Variants in PKNOX2 observed in about 807,000 individuals in gnomAD.
PKNOX2 encodes homeobox protein PKNOX2.
PKNOX2 carries 14 observed loss-of-function variants against 53.1 expected under a neutral mutation model. The observed-to-expected ratio is 0.26, with a 90% CI of 0.17 to 0.41. The LOEUF (loss-of-function observed/expected upper bound fraction) is 0.41, where lower values mean the gene tolerates loss of function less well. PKNOX2 is among the 10% of genes least tolerant of loss of function. The probability of loss-of-function intolerance (pLI) is 1.00; values close to 1 mark genes in which losing one functional copy is unlikely to be tolerated. For synonymous variants in PKNOX2, 257 were observed against 242.8 expected, an observed-to-expected ratio of 1.06 and a Z score of -0.54; for missense variants, 496 against 602.8, an observed-to-expected ratio of 0.82 and a Z score of 1.85.
In PKNOX2 at chr11:125,351,656, C is replaced by T. The variant is rs999574283; in HGVS notation, c.87+264C>T. Among the ~76,000 whole-genome samples the T allele has an allele frequency of 2.6e-5, 4 of 152,272 alleles. No individual in the cohort carries two copies. The East Asian group carries it at 7.7e-4, about 29-fold the overall frequency. Reference sequence around the variant, plus strand: ...TAGTGGCCACAGTCCTGGCCTCCACCCCATCCATCAGACAGCAGACAAGCG... The same window carrying T: ...TAGTGGCCACAGTCCTGGCCTCCACTCCATCCATCAGACAGCAGACAAGCG... On this transcript the variant is annotated intron_variant, in intron 4 of 12. Coordinates refer to ENST00000298282, the MANE Select transcript of PKNOX2 (RefSeq NM_001382323.2).
At chr11:125,207,771 G>A (rs1939312058) in intron 1 of PKNOX2, among the ~76,000 whole-genome samples, 1 of 152,018 alleles carries the variant, frequency 6.6e-6, no homozygotes. Flanking sequence ...GAAGAGATGG[G>A]AATAAGCATG....
At chr11:125,363,332 G>A (rs927273687) in intron 4 of PKNOX2, among the ~76,000 whole-genome samples, 1 of 152,208 alleles carries the variant, frequency 6.6e-6, no homozygotes, top group East Asian at 1.9e-4. Flanking sequence ...TGGTTCTCTT[G>A]ATTAATCTGC....
At chr11:125,261,380 G>A (rs1435994462) in intron 2 of PKNOX2, among the ~76,000 whole-genome samples, 1 of 152,220 alleles carries the variant, frequency 6.6e-6, no homozygotes, top group African/African-American at 2.4e-5. Flanking sequence ...CCAAGCGAGT[G>A]CCTGCACTTT....
chr11:125,367,990 G>A lies in PKNOX2; in HGVS notation c.227+5G>A, dbSNP rs1432329447. The A allele has an allele frequency of 6.2e-7, 1 of 1,611,572 alleles. No homozygotes were observed. The highest frequency in any genetic ancestry group is 1.1e-5 in the South Asian group (1 of 90,650). On this transcript the variant is annotated splice_donor_5th_base_variant and intron_variant, in intron 5 of 12. Transcript: ENST00000298282. ...TGACAAGCGAGCTGTATACAGGTAG[G>A]AGACACTTCAGCTGTGTCTACAGCC...
At chr11:125,380,001 G>T (rs1953112825) in intron 5 of PKNOX2, among the ~76,000 whole-genome samples, 1 of 151,720 alleles carries the variant, frequency 6.6e-6, no homozygotes, top group Non-Finnish European at 1.5e-5. Context: ...ATGAGGGTAG[G>T]GGGTGGAGGG....
intron 2 of PKNOX2, among the ~76,000 whole-genome samples, chr11:125,236,485 A>T (rs1942709526): frequency 6.6e-6 from 1 of 152,162 alleles, no homozygotes; most frequent in African/African-American, 2.4e-5. Flanking sequence ...TAAGTCAAGT[A>T]TGAGGAGCAA....
intron 4 of PKNOX2, among the ~76,000 whole-genome samples, chr11:125,360,264 A>G (rs1951854230): frequency 6.6e-6 from 1 of 152,068 alleles, no homozygotes; most frequent in African/African-American, 2.4e-5. Context: ...TTTAATAGTC[A>G]TAACAAGCAA....
chr11:125,381,860 C>T (rs529760869), intron 5 of PKNOX2, among the ~76,000 whole-genome samples: 14 of 152,318 alleles, frequency 9.2e-5, no homozygotes, highest in African/African-American at 2.4e-4. Context: ...TAGCTCCTTG[C>T]GTGACTACGT....
At chr11:125,249,133 T>C (rs2135662983) in intron 2 of PKNOX2, among the ~76,000 whole-genome samples, 1 of 141,634 alleles carries the variant, frequency 7.1e-6, no homozygotes, top group East Asian at 2.1e-4. Flanking sequence ...TTTTTACTGG[T>C]AGAGTTTTGT....
chr11:125,421,833 C>T (rs553479649), intron 10 of PKNOX2, among the ~76,000 whole-genome samples: 1 of 152,220 alleles, frequency 6.6e-6, no homozygotes, highest in African/African-American at 2.4e-5. Flanking sequence ...CTCTGCAAAC[C>T]ACATCCGGGG....
rs1400130599 is a variant in PKNOX2 at position 125,331,871 on chromosome 11, A to G, written c.-77A>G. Reference sequence around the variant, plus strand: ...AATTCTGGCCCAGCTGGAAGTAGAAAGAGGGGAGTGAGTCTCCTGAGGACC... The same window carrying G: ...AATTCTGGCCCAGCTGGAAGTAGAAGGAGGGGAGTGAGTCTCCTGAGGACC... On this transcript the variant is annotated 5_prime_UTR_variant, in exon 3 of 13. Transcript: ENST00000298282. 6.6e-6 allele frequency: 1 copy of G among 152,280 alleles called. No individual in the cohort carries two copies. The highest frequency in any genetic ancestry group is 1.5e-5 in the Non-Finnish European group (1 of 68,092). 9.4% of individuals were successfully genotyped at this position (152,280 alleles called of 1,614,324 possible).
In PKNOX2 at chr11:125,371,187, G is replaced by GA. The variant is rs562371524; in HGVS notation, c.227+3202_227+3203insA. Among the ~76,000 whole-genome samples, 32 of 152,258 alleles carry GA rather than the reference G, an allele frequency of 2.1e-4. No homozygotes were observed. In the South Asian group the frequency reaches 6.2e-3, roughly 30 times the overall value. ...AATCAGCAAAGCAACCAGGGGCTCC[G>GA]GCTCAGATTAATGATTGCAGTCTAA... On this transcript the variant is annotated intron_variant, in intron 5 of 12. Coordinates refer to ENST00000298282, the MANE Select transcript of PKNOX2 (RefSeq NM_001382323.2).
At chr11:125,407,105 A>G (rs1955156583) in intron 7 of PKNOX2, among the ~76,000 whole-genome samples, 1 of 152,018 alleles carries the variant, frequency 6.6e-6, no homozygotes, top group African/African-American at 2.4e-5. Context: ...CTATCTCTGA[A>G]GGTTTTTATT....
intron 1 of PKNOX2, among the ~76,000 whole-genome samples, chr11:125,213,023 C>T (rs1940054026): frequency 6.6e-6 from 1 of 152,072 alleles, no homozygotes; most frequent in Non-Finnish European, 1.5e-5. Context: ...TTTCCCTGAA[C>T]TCCTAGCCTC....
chr11:125,232,188 T>C (rs1277343685), intron 1 of PKNOX2, among the ~76,000 whole-genome samples: 1 of 152,246 alleles, frequency 6.6e-6, no homozygotes, highest in Non-Finnish European at 1.5e-5. Context: ...AGGACTACCA[T>C]GTGGGAGAAG....
chr11:125,217,345 G>T (rs1252135971), intron 1 of PKNOX2, among the ~76,000 whole-genome samples: 3 of 152,134 alleles, frequency 2.0e-5, no homozygotes, highest in African/African-American at 4.8e-5. Flanking sequence ...CATGTAGTTT[G>T]CAGGCAACAT....
At chr11:125,413,121 C>T (rs1955661816) in intron 10 of PKNOX2, among the ~76,000 whole-genome samples, 1 of 152,186 alleles carries the variant, frequency 6.6e-6, no homozygotes, top group Admixed American at 6.5e-5. Context: ...CAGTGGTTTG[C>T]TGAGTGAGTA....
intron 2 of PKNOX2, among the ~76,000 whole-genome samples, chr11:125,312,482 T>C (rs1948870495): frequency 6.6e-6 from 1 of 152,318 alleles, no homozygotes; most frequent in Non-Finnish European, 1.5e-5. Flanking sequence ...CACCCTGCTG[T>C]GCCCCAGGAG....
chr11:125,380,137 A>T (rs1016890298), intron 5 of PKNOX2, among the ~76,000 whole-genome samples: 2 of 152,174 alleles, frequency 1.3e-5, no homozygotes, highest in African/African-American at 4.8e-5. Flanking sequence ...CTCCTGGGGA[A>T]GGCGCCCGCC....
Sources: allele counts gnomAD v4.1 joint callset (sites outside exome capture counted in the v4.1 genomes callset), GRCh38; gene constraint gnomAD v4.1.1; transcripts MANE v1.5; gene names NCBI Gene and HGNC (gene_info 2026-07-23, HGNC 2026-07-21).